Variants in ADGRV1 observed in about 807,000 individuals in gnomAD.
ADGRV1 encodes adhesion G protein-coupled receptor V1, also known as G-protein coupled receptor 98.
ADGRV1 carries 359 observed loss-of-function variants against 596.2 expected under a neutral mutation model. The ratio of observed to expected loss-of-function variants is 0.60; its 90% CI spans 0.55 to 0.66. The LOEUF is 0.66. Ranked by LOEUF, ADGRV1 falls within the 30% of genes least tolerant of loss-of-function variation. The pLI, the probability that ADGRV1 is intolerant of heterozygous loss-of-function variation, is 0.00. For missense variants in ADGRV1, 7,274 were observed against 7,575.6 expected (o/e 0.96, Z 1.48); for synonymous variants, 2,681 against 2,679.2 (o/e 1.00, Z -0.02).
chr5:90,788,907 A>C (rs1262034231), intron 68 of ADGRV1, among the ~76,000 whole-genome samples: 2 of 151,444 alleles, frequency 1.3e-5, no homozygotes, highest in African/African-American at 4.9e-5. Context: ...CACACACAGC[A>C]GGGTGGAGGG....
chr5:90,574,198 G>C (rs1756914404), intron 1 of ADGRV1, among the ~76,000 whole-genome samples: 2 of 151,754 alleles, frequency 1.3e-5, no homozygotes, highest in African/African-American at 4.8e-5. Context: ...TGTGAAGAAT[G>C]ATGTTGGTAG....
chr5:90,831,280 T>TACACAC (rs539222542), intron 77 of ADGRV1, among the ~76,000 whole-genome samples: 9 of 149,646 alleles, frequency 6.0e-5, no homozygotes, highest in African/African-American at 2.0e-4. Flanking sequence ...TACATATATA[T>TACACAC]ACACACACAC....
intron 72 of ADGRV1, 30 bp from the exon 73 acceptor site, chr5:90,807,572 C>T (rs888146295): frequency 9.4e-6 from 15 of 1,590,566 alleles, no homozygotes; most frequent in Non-Finnish European, 1.2e-5. Context: ...GAAATAATAC[C>T]CTACTTTGCT....
At chr5:90,851,102 G>GGTGTGTGTGT (rs371933419) in intron 79 of ADGRV1, among the ~76,000 whole-genome samples, 1,953 of 50,410 alleles carry the variant, frequency 0.039, 56 homozygotes, top group Middle Eastern at 0.083. Context: ...AGCTAGGTAG[G>GGTGTGTGTGT]GTGTGTGTGT....
intron 42 of ADGRV1, 86 bp downstream of exon 42, chr5:90,712,514 C>T: frequency 3.9e-6 from 4 of 1,024,510 alleles, no homozygotes; most frequent in Non-Finnish European, 5.7e-6. Flanking sequence ...ATGAGAAAGT[C>T]TTGGTGGTTT....
intron 85 of ADGRV1, among the ~76,000 whole-genome samples, chr5:91,045,698 A>C (rs1201097565): frequency 6.6e-6 from 1 of 152,134 alleles, no homozygotes. Flanking sequence ...AGAAAGAAAT[A>C]AGGGCATCCA....
rs989142958 is a variant in ADGRV1 at position 90,644,115 on chromosome 5, T to G, written c.2734+132T>G. ...TTAGAAATTACACATAGTGCGGAAG[T>G]TTTTTTTAGAATCATATTTAGGACC... is the stretch of plus-strand genomic sequence containing the variant. On this transcript the variant is annotated intron_variant, in intron 14 of 89. Coordinates refer to ENST00000405460, the MANE Select transcript of ADGRV1 (RefSeq NM_032119.4). 7.0e-5 allele frequency: 43 copies of G among 613,298 alleles called. 1 individual carries two copies. Among genetic ancestry groups the G allele is most frequent in the Non-Finnish European group, 1.1e-4 (40 of 371,240 alleles). The allele number at this position is 613,298 out of a possible 1,614,324, so 38.0% of individuals were successfully genotyped here.
intron 83 of ADGRV1, among the ~76,000 whole-genome samples, chr5:90,871,923 T>C (rs1768723743): frequency 6.6e-6 from 1 of 152,116 alleles, no homozygotes; most frequent in Non-Finnish European, 1.5e-5. Flanking sequence ...AGAAGATACA[T>C]AGTGGATCAT....
chr5:90,820,834 T>G (rs1209013067), intron 75 of ADGRV1, among the ~76,000 whole-genome samples: 1 of 152,128 alleles, frequency 6.6e-6, no homozygotes, highest in African/African-American at 2.4e-5. Context: ...CCTTTCTCTC[T>G]GGCTGCCCTT....
chr5:90,656,840 A>G (rs1468287555), intron 20 of ADGRV1, among the ~76,000 whole-genome samples: 1 of 152,216 alleles, frequency 6.6e-6, no homozygotes, highest in African/African-American at 2.4e-5. Context: ...AGGTAAAGAA[A>G]GGAGAACTAG....
At chr5:90,966,644 C>G (rs1778500027) in intron 84 of ADGRV1, among the ~76,000 whole-genome samples, 1 of 151,480 alleles carries the variant, frequency 6.6e-6, no homozygotes, top group Admixed American at 6.6e-5. Flanking sequence ...CGAGAAGGTA[C>G]AGAGTGAGAC....
intron 83 of ADGRV1, among the ~76,000 whole-genome samples, chr5:90,887,516 A>C (rs1451957816): frequency 6.6e-6 from 1 of 152,136 alleles, no homozygotes; most frequent in Non-Finnish European, 1.5e-5. Context: ...GGCTGTTTTC[A>C]TCACTGCTGT....
chr5:91,071,828 C>G (rs1788416674), intron 85 of ADGRV1, among the ~76,000 whole-genome samples: 1 of 152,020 alleles, frequency 6.6e-6, no homozygotes, highest in South Asian at 2.1e-4. Flanking sequence ...GCACCTGCCA[C>G]CACACTCAGC....
At chr5:90,573,931 G>A (rs1460174356) in intron 1 of ADGRV1, among the ~76,000 whole-genome samples, 1 of 152,058 alleles carries the variant, frequency 6.6e-6, no homozygotes, top group East Asian at 1.9e-4. Context: ...GCTTGTTTTT[G>A]TTGGCCTTGT....
chr5:90,996,913 C>T (rs1388300005), intron 85 of ADGRV1, among the ~76,000 whole-genome samples: 1 of 152,136 alleles, frequency 6.6e-6, no homozygotes. Flanking sequence ...AACCTGTAGT[C>T]CCTTTGTTTT....
In ADGRV1 at chr5:91,162,175, G is replaced by A. The variant is rs574673944; in HGVS notation, c.18803-1607G>A. On this transcript the variant is annotated intron_variant, in intron 89 of 89. Coordinates refer to ENST00000405460, the MANE Select transcript of ADGRV1 (RefSeq NM_032119.4). ...GCAGGTTCACGACTTAGGATGCAGA[G>A]CACAGTTTAATACTACATTCAGCAC... is the stretch of plus-strand genomic sequence containing the variant. Among the ~76,000 whole-genome samples the A allele has an allele frequency of 9.2e-5, 14 of 152,314 alleles. No homozygotes were observed. The South Asian group carries it at 2.9e-3, about 32-fold the overall frequency.
At chr5:90,648,557 T>A (rs1768132419) in intron 17 of ADGRV1, among the ~76,000 whole-genome samples, 1 of 152,204 alleles carries the variant, frequency 6.6e-6, no homozygotes, top group South Asian at 2.1e-4. Context: ...CCCAGTGGAA[T>A]GCCAACGTTG....
At position 90,811,953 on chromosome 5, in the gene ADGRV1, G is replaced by C. The variant is rs189982183; in HGVS notation, c.16078+615G>C. On this transcript the variant is annotated intron_variant, in intron 74 of 89. Coordinates refer to ENST00000405460, the MANE Select transcript of ADGRV1 (RefSeq NM_032119.4). ...ATTTTTTTTTTTTTTTTTGGAGATG[G>C]AGTCTTGCTCTGTTGCCCAGGCTGT... 4.8e-3 allele frequency among the ~76,000 whole-genome samples: 702 copies of C among 146,232 alleles called. 8 individuals are homozygous for C. Among genetic ancestry groups the C allele is most frequent in the African/African-American group, 0.017 (683 of 39,770 alleles).
At chr5:90,587,725 T>C (rs1368611514) in intron 1 of ADGRV1, among the ~76,000 whole-genome samples, 1 of 151,832 alleles carries the variant, frequency 6.6e-6, no homozygotes, top group Admixed American at 6.6e-5. Flanking sequence ...GCCCAGCTAA[T>C]TTTTTGTATT....
Sources: gnomAD v4.1 joint callset for allele counts (sites outside exome capture counted in the v4.1 genomes callset) on GRCh38, gnomAD v4.1.1 for gene constraint, MANE v1.5 for transcripts, NCBI Gene and HGNC (gene_info 2026-07-23, HGNC 2026-07-21) for gene names.